Variants in TPD52L1 observed in about 807,000 individuals in gnomAD.
TPD52L1 encodes TPD52 like 1.
A neutral mutation model predicts 28.7 loss-of-function variants in TPD52L1; 18 were observed. That is an observed-to-expected ratio of 0.63 (90% CI 0.43 to 0.93). TPD52L1 has a LOEUF of 0.93. Among genes scored for constraint, TPD52L1 ranks in the 40% least tolerant of loss-of-function variants. The pLI is 0.00. For synonymous variants in TPD52L1, 75 were observed against 88.8 expected (o/e 0.84, Z 0.88); for missense variants, 203 against 254.8 (o/e 0.80, Z 1.39).
At chr6:125,169,574 A>G (rs910787045) in intron 1 of TPD52L1, among the ~76,000 whole-genome samples, 1 of 152,140 alleles carries the variant, frequency 6.6e-6, no homozygotes, top group Non-Finnish European at 1.5e-5. Flanking sequence ...TTTTCCCTCC[A>G]TTATACCCCA....
intron 1 of TPD52L1, among the ~76,000 whole-genome samples, chr6:125,208,037 C>T (rs1217966973): frequency 6.6e-6 from 1 of 152,204 alleles, no homozygotes; most frequent in Non-Finnish European, 1.5e-5. Flanking sequence ...GAGAAAGTTC[C>T]TGCAGTGGTA....
chr6:125,187,294 C>T (rs1792706384), intron 1 of TPD52L1, among the ~76,000 whole-genome samples: 1 of 152,110 alleles, frequency 6.6e-6, no homozygotes, highest in South Asian at 2.1e-4. Flanking sequence ...ATTCCAATTG[C>T]TGACAAGGAT....
At chr6:125,176,334 G>C (rs3799775) in intron 1 of TPD52L1, among the ~76,000 whole-genome samples, 41 of 152,194 alleles carry the variant, frequency 2.7e-4, no homozygotes, top group African/African-American at 9.6e-4. Flanking sequence ...ACTTGTAAAA[G>C]GCTGATTTCC....
chr6:125,233,415 T>C (rs1796070244), intron 3 of TPD52L1, among the ~76,000 whole-genome samples: 2 of 152,150 alleles, frequency 1.3e-5, no homozygotes, highest in South Asian at 4.1e-4. Context: ...TGTAGCACTA[T>C]TGAGTTCAGG....
chr6:125,157,503 A>C (rs1016376573), intron 1 of TPD52L1, among the ~76,000 whole-genome samples: 5 of 152,168 alleles, frequency 3.3e-5, no homozygotes, highest in African/African-American at 1.2e-4. Flanking sequence ...ACGTGGAGAG[A>C]GATGTCCACA....
At position 125,164,664 on chromosome 6, in the gene TPD52L1, C is replaced by T. The variant is rs1002381588; in HGVS notation, c.19+10694C>T. ...TGAACATTATAATTACTTGTTTACA[C>T]GAATATGTTTTATTCATTTAACCAT... On this transcript the variant is annotated intron_variant, in intron 1 of 6. Transcript: ENST00000534000. Among the ~76,000 whole-genome samples the T allele has an allele frequency of 4.6e-5, 7 of 152,042 alleles. No individual in the cohort carries two copies. In the East Asian group the frequency reaches 5.8e-4, roughly 13 times the overall value.
rs1562209900 is a variant in TPD52L1, at chr6:125,172,105, TTTC to T, written c.19+18138_19+18140del. ...CTCTTTCTTTCTTTCTTTCCCTTTC[TTTC>T]TTTCTTTCTTTCTTTCTTTCTTTCT... On this transcript the variant is annotated intron_variant, in intron 1 of 6. Transcript: ENST00000534000. 5.9e-3 allele frequency among the ~76,000 whole-genome samples: 317 copies of T among 54,092 alleles called. 1 individual carries two copies. The highest frequency in any genetic ancestry group is 0.023 in the African/African-American group (296 of 12,742). The allele number at this position is 54,092 out of a possible 152,430, so 35.5% of individuals were successfully genotyped here.
chr6:125,183,839 T>A (rs959487208), intron 1 of TPD52L1, among the ~76,000 whole-genome samples: 1 of 152,206 alleles, frequency 6.6e-6, no homozygotes, highest in Non-Finnish European at 1.5e-5. Context: ...AAATGGATTA[T>A]GATAGTGATT....
chr6:125,259,161 C>T (rs938932788), intron 6 of TPD52L1, among the ~76,000 whole-genome samples: 5 of 152,166 alleles, frequency 3.3e-5, no homozygotes, highest in African/African-American at 9.7e-5. Context: ...ACTCATGAGT[C>T]GGTAAAGATG....
intron 3 of TPD52L1, among the ~76,000 whole-genome samples, chr6:125,247,143 C>T (rs1036738119): frequency 6.6e-6 from 1 of 151,924 alleles, no homozygotes; most frequent in Non-Finnish European, 1.5e-5. Context: ...AAGGGCAGTT[C>T]CTACATAGCT....
chr6:125,216,607 C>A (rs973677663), intron 1 of TPD52L1, among the ~76,000 whole-genome samples: 18 of 134,154 alleles, frequency 1.3e-4, no homozygotes, highest in Non-Finnish European at 2.0e-4. Context: ...AGAAGAAATA[C>A]CAGAAAGGAA....
At chr6:125,182,211 T>C (rs1431769930) in intron 1 of TPD52L1, among the ~76,000 whole-genome samples, 1 of 152,166 alleles carries the variant, frequency 6.6e-6, no homozygotes, top group African/African-American at 2.4e-5. Context: ...TACAAACCAA[T>C]TTAAACCAAT....
chr6:125,236,161 T>G (rs562374895), intron 3 of TPD52L1, among the ~76,000 whole-genome samples: 1 of 152,294 alleles, frequency 6.6e-6, no homozygotes, highest in Non-Finnish European at 1.5e-5. Context: ...TCTGAAGGGA[T>G]TTAGCTCCAG....
In TPD52L1 at chr6:125,227,350, C is replaced by G. The variant is rs191517761; in HGVS notation, c.136-1768C>G. Among the ~76,000 whole-genome samples, 215 of 152,262 alleles carry G rather than the reference C, an allele frequency of 1.4e-3. 1 individual carries two copies. The highest frequency in any genetic ancestry group is 5.0e-3 in the African/African-American group (209 of 41,556). On this transcript the variant is annotated intron_variant, in intron 2 of 6. Coordinates refer to ENST00000534000, the MANE Select transcript of TPD52L1 (RefSeq NM_003287.4). The stretch of plus-strand genomic sequence containing the variant: ...AGTGAAAGACTGGGGGGTTTTATTG[C>G]ATGTTTTGCTTTTGCAAAGGCAGAT...
At chr6:125,172,153 TTTCTTTTCTTTC>T (rs1221455264) in intron 1 of TPD52L1, among the ~76,000 whole-genome samples, 2,889 of 57,590 alleles carry the variant, frequency 0.05, 36 homozygotes, top group Non-Finnish European at 0.064. Context: ...TCTTTCTTTC[TTTCTTTTCTTTC>T]TTTCTTTCTT....
chr6:125,159,701 T>C, intron 1 of TPD52L1, among the ~76,000 whole-genome samples: 1 of 152,220 alleles, frequency 6.6e-6, no homozygotes, highest in East Asian at 1.9e-4. Flanking sequence ...TGAGATGTAT[T>C]TCTTAAATAA....
chr6:125,260,785 C>T lies in TPD52L1; in HGVS notation c.487-2049C>T, dbSNP rs146028542. 2.3e-3 allele frequency among the ~76,000 whole-genome samples: 342 copies of T among 147,116 alleles called. 2 individuals carry two copies. The highest frequency in any genetic ancestry group is 6.5e-3 in the African/African-American group (259 of 39,734). The stretch of plus-strand genomic sequence containing the variant: ...TGCACCACTGCACTCCAGCCTGGGC[C>T]ACAGAGCAAGACTCCGTCTCAAAAA... On this transcript the variant is annotated intron_variant, in intron 6 of 6. Coordinates refer to ENST00000534000, the MANE Select transcript of TPD52L1 (RefSeq NM_003287.4).
chr6:125,242,954 T>G (rs191363421), intron 3 of TPD52L1, among the ~76,000 whole-genome samples: 99 of 152,308 alleles, frequency 6.5e-4, no homozygotes, highest in African/African-American at 2.3e-3. Context: ...TTTCAAGATT[T>G]AGAACTCCCT....
chr6:125,261,330 C>A (rs1385736916), intron 6 of TPD52L1: 1 of 152,200 alleles, frequency 6.6e-6, no homozygotes, highest in Non-Finnish European at 1.5e-5. Flanking sequence ...ACCCTGGTTA[C>A]ATTTTTAAAA....
Sources: allele counts gnomAD v4.1 joint callset (sites outside exome capture counted in the v4.1 genomes callset), GRCh38; gene constraint gnomAD v4.1.1; transcripts MANE v1.5; gene names NCBI Gene and HGNC (gene_info 2026-07-23, HGNC 2026-07-21).